PCDH15: variants seen among roughly 807,000 people sequenced by gnomAD.
The protein encoded by PCDH15 is protocadherin related 15.
PCDH15 carries 129 observed loss-of-function variants against 178.5 expected under a neutral mutation model. The observed-to-expected ratio is 0.72, with a 90% CI of 0.63 to 0.84. The LOEUF (loss-of-function observed/expected upper bound fraction) is 0.84. PCDH15 is among the 40% of genes least tolerant of loss of function. PCDH15 has a pLI of 0.00. For synonymous variants in PCDH15, 800 were observed against 732.0 expected (o/e 1.09, Z -1.50); for missense variants, 2,230 against 2,099.9 (o/e 1.06, Z -1.21).
intron 2 of PCDH15, among the ~76,000 whole-genome samples, chr10:54,532,115 C>G (rs924589501): frequency 3.9e-5 from 6 of 152,172 alleles, no homozygotes; most frequent in African/African-American, 1.4e-4. Context: ...GTTTTCCTAA[C>G]TGCTTTCCTT....
intron 3 of PCDH15, among the ~76,000 whole-genome samples, chr10:54,508,265 A>T (rs1174827444): frequency 6.6e-6 from 1 of 152,062 alleles, no homozygotes; most frequent in East Asian, 1.9e-4. Flanking sequence ...ACTGAAACAG[A>T]GTAGATATCC....
intron 11 of PCDH15, among the ~76,000 whole-genome samples, chr10:54,189,775 C>T (rs1024503050): frequency 6.6e-6 from 1 of 151,980 alleles, no homozygotes. Flanking sequence ...ACACTGAAAA[C>T]CTGGTGGTCT....
At chr10:54,871,334 T>C (rs1954036363) in intron 3 of PCDH15, among the ~76,000 whole-genome samples, 1 of 151,708 alleles carries the variant, frequency 6.6e-6, no homozygotes, top group Non-Finnish European at 1.5e-5. Flanking sequence ...TATGAGACTG[T>C]AGATAATGAG....
intron 18 of PCDH15, among the ~76,000 whole-genome samples, chr10:54,051,442 A>C (rs529701470): frequency 1.3e-5 from 2 of 152,292 alleles, no homozygotes; most frequent in South Asian, 4.1e-4. Context: ...ATGTGGTCTC[A>C]GCTGAAGATG....
At chr10:55,296,799 A>T (rs1010629337) in intron 1 of PCDH15, among the ~76,000 whole-genome samples, 1 of 152,160 alleles carries the variant, frequency 6.6e-6, no homozygotes, top group African/African-American at 2.4e-5. Flanking sequence ...ACACATTGTC[A>T]CATCACTACC....
intron 18 of PCDH15, among the ~76,000 whole-genome samples, chr10:54,061,374 C>T (rs939840240): frequency 2.6e-5 from 4 of 152,152 alleles, no homozygotes; most frequent in African/African-American, 9.7e-5. Flanking sequence ...CATTAGGCCC[C>T]ATCTGAACTC....
chr10:54,518,590 G>A (rs548116535), intron 3 of PCDH15, among the ~76,000 whole-genome samples: 67 of 152,234 alleles, frequency 4.4e-4, no homozygotes, highest in African/African-American at 1.5e-3. Context: ...ACCAAAAAGA[G>A]TCCAGGACAA....
chr10:55,417,203 T>C (rs926431917), intron 2 of PCDH15, among the ~76,000 whole-genome samples: 1 of 151,892 alleles, frequency 6.6e-6, no homozygotes, highest in African/African-American at 2.4e-5. Flanking sequence ...TATCCATCGC[T>C]GTGTTAGCAC....
At chr10:54,548,178 T>C (rs2086099527) in intron 2 of PCDH15, among the ~76,000 whole-genome samples, 1 of 147,586 alleles carries the variant, frequency 6.8e-6, no homozygotes, top group Admixed American at 6.8e-5. Context: ...ATTTACATTT[T>C]ATATTTATAT....
chr10:55,404,388 G>C (rs1777674), intron 2 of PCDH15, among the ~76,000 whole-genome samples: 3 of 151,804 alleles, frequency 2.0e-5, no homozygotes, highest in Non-Finnish European at 1.5e-5. Context: ...CTGTGACAGC[G>C]CTTAGGATTT....
chr10:54,020,018 T>C (rs1367466222), intron 20 of PCDH15, among the ~76,000 whole-genome samples, 174 bp downstream of exon 20: 1 of 152,092 alleles, frequency 6.6e-6, no homozygotes, highest in Non-Finnish European at 1.5e-5. Context: ...GTCAAAAATA[T>C]AGTTATTTCT....
intron 2 of PCDH15, among the ~76,000 whole-genome samples, chr10:55,094,163 C>A (rs1369182353): frequency 6.6e-6 from 1 of 152,076 alleles, no homozygotes; most frequent in African/African-American, 2.4e-5. Flanking sequence ...CAATGATAGA[C>A]TGGATTAAGA....
intron 1 of PCDH15, among the ~76,000 whole-genome samples, chr10:55,251,212 T>C (rs1370277761): frequency 1.3e-5 from 2 of 152,158 alleles, no homozygotes; most frequent in African/African-American, 2.4e-5. Context: ...TGTGTTTGTG[T>C]ATATTTAGTT....
At chr10:54,692,506 T>C (rs1035796240) in intron 1 of PCDH15, among the ~76,000 whole-genome samples, 41 of 152,294 alleles carry the variant, frequency 2.7e-4, no homozygotes, top group Middle Eastern at 3.4e-3. Flanking sequence ...GAAATCTAAC[T>C]GGGGTTAAAT....
intron 21 of PCDH15, among the ~76,000 whole-genome samples, chr10:53,988,477 T>G (rs959649823): frequency 4.6e-5 from 7 of 152,166 alleles, no homozygotes; most frequent in Admixed American, 1.3e-4. Flanking sequence ...GTCTCTAGGC[T>G]ATGTTAGGTC....
chr10:53,869,915 C>T (rs1462565507), intron 26 of PCDH15, among the ~76,000 whole-genome samples: 1 of 152,166 alleles, frequency 6.6e-6, no homozygotes, highest in African/African-American at 2.4e-5. Flanking sequence ...TTTACATTGA[C>T]TGAATCATAA....
chr10:55,582,858 C>T (rs1842651212), intron 2 of PCDH15, among the ~76,000 whole-genome samples: 2 of 151,556 alleles, frequency 1.3e-5, no homozygotes, highest in Admixed American at 6.6e-5. Flanking sequence ...GATCCAAAAT[C>T]ATATTGAAAA....
intron 2 of PCDH15, among the ~76,000 whole-genome samples, chr10:55,476,363 A>G (rs576339560): frequency 9.9e-5 from 15 of 152,180 alleles, no homozygotes; most frequent in African/African-American, 2.9e-4. Flanking sequence ...CAAATGAGTC[A>G]TTTCTAGAAT....
rs117115440 is a variant in PCDH15 at position 54,665,800 on chromosome 10, G to A, written c.-28-1510C>T. Among the ~76,000 whole-genome samples, 835 of 151,950 alleles carry A rather than the reference G, an allele frequency of 5.5e-3. 2 individuals carry two copies. Among genetic ancestry groups the A allele is most frequent in the Non-Finnish European group, 8.8e-3 (600 of 67,916 alleles). On this transcript the variant is annotated intron_variant, in intron 1 of 37. Transcript: ENST00000644397. The stretch of plus-strand genomic sequence containing the variant: ...TTTCCTAACTGGCAAAGTGCTTGGC[G>A]CGTGCATTTATAATTTCTAGGGACA...
Sources: allele counts gnomAD v4.1 joint callset (sites outside exome capture counted in the v4.1 genomes callset), GRCh38; gene constraint gnomAD v4.1.1; transcripts MANE v1.5; gene names NCBI Gene and HGNC (gene_info 2026-07-23, HGNC 2026-07-21).